Variants in NUDCD3 observed in about 807,000 individuals in gnomAD.
NUDCD3 encodes nudC domain-containing protein 3.
NUDCD3 carries 13 observed loss-of-function variants against 39.7 expected under a neutral mutation model. That is an observed-to-expected ratio of 0.33 (90% CI 0.21 to 0.52). The LOEUF (loss-of-function observed/expected upper bound fraction) is 0.52, where lower values mean the gene tolerates loss of function less well. NUDCD3 is among the 20% of genes least tolerant of loss of function. The pLI is 0.96. For synonymous variants in NUDCD3, 175 were observed against 172.4 expected (o/e 1.02, Z -0.12); for missense variants, 453 against 458.1 (o/e 0.99, Z 0.10).
chr7:44,468,835 G>A (rs909606377), intron 2 of NUDCD3, among the ~76,000 whole-genome samples: 2 of 152,028 alleles, frequency 1.3e-5, no homozygotes, highest in African/African-American at 4.8e-5. Context: ...ATGTTAACAG[G>A]AAAAGTCAAC....
At chr7:44,482,680 T>A (rs1183398757) in intron 2 of NUDCD3, among the ~76,000 whole-genome samples, 2 of 152,196 alleles carry the variant, frequency 1.3e-5, no homozygotes, top group Admixed American at 1.3e-4. Context: ...ACCCAGAGAC[T>A]CGACAGCATA....
chr7:44,414,098 C>T (rs984869783), intron 3 of NUDCD3, among the ~76,000 whole-genome samples: 1 of 151,850 alleles, frequency 6.6e-6, no homozygotes, highest in African/African-American at 2.4e-5. Flanking sequence ...AGCAACTACA[C>T]TTCATGGAAT....
At chr7:44,458,053 A>G (rs1311385149) in intron 2 of NUDCD3, among the ~76,000 whole-genome samples, 2 of 152,252 alleles carry the variant, frequency 1.3e-5, no homozygotes, top group African/African-American at 4.8e-5. Flanking sequence ...ACTATTCCTC[A>G]TAATAGCAAT....
At chr7:44,449,485 A>C (rs1799752029) in intron 2 of NUDCD3, among the ~76,000 whole-genome samples, 2 of 152,216 alleles carry the variant, frequency 1.3e-5, no homozygotes, top group South Asian at 2.1e-4. Context: ...ACAAAGAAGG[A>C]AGGCACAGGG....
chr7:44,408,588 A>G (rs1390879959), intron 3 of NUDCD3, among the ~76,000 whole-genome samples: 1 of 152,230 alleles, frequency 6.6e-6, no homozygotes, highest in Non-Finnish European at 1.5e-5. Flanking sequence ...TGGTTACTAC[A>G]GGCCTCCAAA....
intron 2 of NUDCD3, among the ~76,000 whole-genome samples, chr7:44,446,667 T>G (rs527883006): frequency 6.6e-6 from 1 of 152,340 alleles, no homozygotes; most frequent in East Asian, 1.9e-4. Flanking sequence ...AGTTTACATC[T>G]GACATTTGGG....
chr7:44,444,554 T>C (rs1799653924), intron 2 of NUDCD3, among the ~76,000 whole-genome samples: 1 of 152,238 alleles, frequency 6.6e-6, no homozygotes, highest in Non-Finnish European at 1.5e-5. Flanking sequence ...TAAGTCCTTT[T>C]GGTAAAGCAA....
chr7:44,466,380 G>A (rs1159732602), intron 2 of NUDCD3, among the ~76,000 whole-genome samples: 1 of 152,174 alleles, frequency 6.6e-6, no homozygotes, highest in African/African-American at 2.4e-5. Flanking sequence ...AACTCAGGGA[G>A]GTATGTACAT....
chr7:44,428,123 TAAAAAAAAAAA>T (rs55642004), intron 2 of NUDCD3, among the ~76,000 whole-genome samples: 171 of 76,108 alleles, frequency 2.2e-3, no homozygotes, highest in African/African-American at 8.2e-3. Flanking sequence ...GGTCAATCTT[TAAAAAAAAAAA>T]AAAAAAAAAA....
At chr7:44,426,613 A>T (rs28510099) in intron 3 of NUDCD3, among the ~76,000 whole-genome samples, 1 of 151,684 alleles carries the variant, frequency 6.6e-6, no homozygotes. Context: ...TGGCTAAAAC[A>T]GTGAAACCCC....
At chr7:44,455,341 A>G (rs945923750) in intron 2 of NUDCD3, among the ~76,000 whole-genome samples, 1 of 151,634 alleles carries the variant, frequency 6.6e-6, no homozygotes, top group Non-Finnish European at 1.5e-5. Context: ...CAGTTCACAC[A>G]CTCATCTGTC....
chr7:44,416,790 G>A (rs1472996532), intron 3 of NUDCD3, among the ~76,000 whole-genome samples: 2 of 152,070 alleles, frequency 1.3e-5, no homozygotes, highest in Non-Finnish European at 2.9e-5. Flanking sequence ...CTTCACCTTC[G>A]ACCCTTCTCT....
chr7:44,452,200 T>C (rs1479608850), intron 2 of NUDCD3, among the ~76,000 whole-genome samples: 1 of 152,206 alleles, frequency 6.6e-6, no homozygotes. Context: ...CCCAGCACTT[T>C]GGGAGGCCAA....
At chr7:44,417,892 G>A (rs768773861) in intron 3 of NUDCD3, among the ~76,000 whole-genome samples, 25 of 152,320 alleles carry the variant, frequency 1.6e-4, no homozygotes, top group Admixed American at 4.6e-4. Flanking sequence ...TACTGGGGAT[G>A]TGGGGTGGGA....
At chr7:44,416,155 T>A (rs1799017837) in intron 3 of NUDCD3, among the ~76,000 whole-genome samples, 1 of 152,146 alleles carries the variant, frequency 6.6e-6, no homozygotes, top group South Asian at 2.1e-4. Flanking sequence ...ACAATCACAG[T>A]TCGCAGAAGC....
intron 2 of NUDCD3, among the ~76,000 whole-genome samples, chr7:44,430,604 A>ACACACACACAC (rs552605354): frequency 6.6e-6 from 1 of 151,220 alleles, no homozygotes; most frequent in African/African-American, 2.4e-5. Context: ...ACACACACAC[A>ACACACACACAC]AAAGACCAAC....
At chr7:44,412,529 T>C (rs1253380161) in intron 3 of NUDCD3, among the ~76,000 whole-genome samples, 2 of 152,218 alleles carry the variant, frequency 1.3e-5, no homozygotes, top group African/African-American at 2.4e-5. Flanking sequence ...ATTCATACTA[T>C]GTTAGGCTGT....
At chr7:44,410,143 A>C (rs1402136473) in intron 3 of NUDCD3, among the ~76,000 whole-genome samples, 2 of 152,264 alleles carry the variant, frequency 1.3e-5, no homozygotes, top group Non-Finnish European at 2.9e-5. Flanking sequence ...CATGAAAAAA[A>C]TTACACCCAA....
intron 2 of NUDCD3, among the ~76,000 whole-genome samples, chr7:44,462,490 A>G (rs1352688379): frequency 1.3e-5 from 2 of 152,252 alleles, no homozygotes; most frequent in Non-Finnish European, 2.9e-5. Context: ...ACTGACCAAT[A>G]TTATTAGCTT....
Sources: allele counts gnomAD v4.1 joint callset (sites outside exome capture counted in the v4.1 genomes callset), GRCh38; gene constraint gnomAD v4.1.1; transcripts MANE v1.5; gene names NCBI Gene and HGNC (gene_info 2026-07-23, HGNC 2026-07-21).